Variants in PRDM2 observed in about 807,000 individuals in gnomAD.
The protein encoded by PRDM2 is PR domain zinc finger protein 2.
PRDM2 carries 30 observed loss-of-function variants against 130.0 expected under a neutral mutation model. The ratio of observed to expected loss-of-function variants is 0.23; its 90% confidence interval spans 0.17 to 0.31. The LOEUF (loss-of-function observed/expected upper bound fraction) is 0.31, where lower values mean the gene tolerates loss of function less well. PRDM2 is among the 10% of genes least tolerant of loss of function. PRDM2 has a pLI of 1.00. For missense variants in PRDM2, 2,011 were observed against 2,108.4 expected (o/e 0.95, Z 0.90); for synonymous variants, 871 against 782.4 (o/e 1.11, Z -1.89).
Position 13,823,343 on chromosome 1 carries a change from T to A in PRDM2, c.*208T>A. The A allele has an allele frequency of 1.2e-6, 1 of 849,024 alleles. No individual in the cohort carries two copies. Among genetic ancestry groups the A allele is most frequent in the Non-Finnish European group, 1.9e-6 (1 of 525,726 alleles). 52.6% of individuals were successfully genotyped at this position (849,024 alleles called of 1,614,324 possible). On this transcript the variant is annotated 3_prime_UTR_variant, in exon 10 of 10. Transcript: ENST00000311066. ...CGCGTGAGTGGTCTTCAAACGAGGG[T>A]CCCGATCCCCGGGGCGGCAGGAAGG...
rs116016009 is a variant in PRDM2, at chr1:13,729,746, G to C, written c.10-1254G>C. On this transcript the variant is annotated intron_variant, in intron 2 of 9. Coordinates refer to ENST00000311066, the MANE Select transcript of PRDM2 (RefSeq NM_001393986.1). The stretch of plus-strand genomic sequence containing the variant: ...TAAATCAAGCAGGAACAAAGCATTT[G>C]TGTGTCTGAAATGGAGGCTCAGTTG... Among the ~76,000 whole-genome samples the C allele has an allele frequency of 3.8e-3, 576 of 152,252 alleles. 1 individual carries two copies. The highest frequency in any genetic ancestry group is 0.013 in the African/African-American group (558 of 41,542).
chr1:13,741,765 T>TGTGTGTGTGTGTGTGTGG (rs56920487), intron 4 of PRDM2, among the ~76,000 whole-genome samples: 2 of 129,960 alleles, frequency 1.5e-5, no homozygotes, highest in African/African-American at 5.5e-5. Flanking sequence ...TGTGTGTGTG[T>TGTGTGTGTGTGTGTGTGG]AGGGGTGGGG....
chr1:13,789,311 G>A (rs369522149), intron 8 of PRDM2, among the ~76,000 whole-genome samples: 1 of 152,178 alleles, frequency 6.6e-6, no homozygotes, highest in African/African-American at 2.4e-5. Context: ...TCTTGTCCTC[G>A]TTGTTACAAG....
intron 6 of PRDM2, among the ~76,000 whole-genome samples, chr1:13,753,624 C>G (rs566551217): frequency 6.6e-6 from 1 of 152,204 alleles, no homozygotes; most frequent in South Asian, 2.1e-4. Context: ...ATAACTCAGT[C>G]TAAGGTAGTC....
At chr1:13,805,210 T>C (rs565176566) in intron 8 of PRDM2, among the ~76,000 whole-genome samples, 1 of 152,304 alleles carries the variant, frequency 6.6e-6, no homozygotes, top group South Asian at 2.1e-4. Flanking sequence ...ATGATGTTTT[T>C]TTCCCCCTTG....
At chr1:13,751,269 T>C (rs535215816) in intron 6 of PRDM2, among the ~76,000 whole-genome samples, 7 of 152,314 alleles carry the variant, frequency 4.6e-5, no homozygotes, top group African/African-American at 1.7e-4. Context: ...TTTCTTATTA[T>C]CCTATTATTT....
Position 13,780,456 on chromosome 1 carries a change from G to A in PRDM2, c.2661G>A (p.Met887Ile). ...AVKKRKPTTC[M>I]LQKVLLNEYN... ...AGAAAAGGAAACCAACCACCTGCAT[G>A]CTGCAGAAGGTTCTTCTCAATGAAT... The change falls in exon 8 of 10, where the codon ATG (methionine) becomes ATA (isoleucine). Residue 887 changes from methionine to isoleucine, a missense_variant. Physicochemically the swap from Met to Ile is conservative, Grantham distance 10 (BLOSUM62 1). This residue lies in a region of PRDM2 where 1,288 missense variants were observed against 1,237.7 expected (regional missense o/e 1.04). Transcript: ENST00000311066. 6.2e-7 allele frequency: 1 copy of A among 1,614,184 alleles called. No homozygotes were observed. Among genetic ancestry groups the A allele is most frequent in the African/African-American group, 1.3e-5 (1 of 75,034 alleles).
intron 8 of PRDM2, among the ~76,000 whole-genome samples, chr1:13,802,048 C>T (rs1006429069): frequency 2.7e-4 from 41 of 152,212 alleles, no homozygotes; most frequent in African/African-American, 9.6e-4. Flanking sequence ...TCCTGGCCAC[C>T]TTACAGCCTG....
intron 5 of PRDM2, among the ~76,000 whole-genome samples, chr1:13,748,840 T>G (rs376339549): frequency 6.6e-6 from 1 of 152,146 alleles, no homozygotes; most frequent in South Asian, 2.1e-4. Flanking sequence ...CGGCCTCCCG[T>G]TGGCGGCTCT....
chr1:13,760,854 TAAA>T (rs144432886), intron 6 of PRDM2, among the ~76,000 whole-genome samples: 4 of 143,276 alleles, frequency 2.8e-5, no homozygotes, highest in Non-Finnish European at 6.1e-5. Context: ...GGCACACTTC[TAAA>T]AAAAAAAAAA....
At chr1:13,721,135 C>T (rs1168961883) in intron 2 of PRDM2, among the ~76,000 whole-genome samples, 2 of 152,110 alleles carry the variant, frequency 1.3e-5, no homozygotes, top group Non-Finnish European at 2.9e-5. Context: ...TGCTGTTTGT[C>T]TCATTTTGGT....
At chr1:13,703,382 C>T (rs933264805) in intron 1 of PRDM2, among the ~76,000 whole-genome samples, 1 of 152,198 alleles carries the variant, frequency 6.6e-6, no homozygotes, top group African/African-American at 2.4e-5. Flanking sequence ...ACTTGAACCG[C>T]TGCAGTGAAG....
At chr1:13,725,195 G>T (rs1642871402) in intron 2 of PRDM2, among the ~76,000 whole-genome samples, 1 of 152,134 alleles carries the variant, frequency 6.6e-6, no homozygotes, top group Non-Finnish European at 1.5e-5. Flanking sequence ...GAATAGTGTA[G>T]AGAGTCCTAT....
intron 6 of PRDM2, among the ~76,000 whole-genome samples, chr1:13,768,792 G>C (rs1034062941): frequency 1.3e-5 from 2 of 152,146 alleles, no homozygotes; most frequent in Non-Finnish European, 2.9e-5. Flanking sequence ...TTTATGCGTT[G>C]GGACTTTGGG....
At chr1:13,784,636 G>T (rs780112406) in intron 8 of PRDM2, among the ~76,000 whole-genome samples, 55 of 152,258 alleles carry the variant, frequency 3.6e-4, no homozygotes, top group Middle Eastern at 3.4e-3. Context: ...AAGGACTAAA[G>T]GGCCTTAAAA....
At chr1:13,788,275 G>T (rs1212216982) in intron 8 of PRDM2, among the ~76,000 whole-genome samples, 2 of 152,182 alleles carry the variant, frequency 1.3e-5, no homozygotes, top group Non-Finnish European at 2.9e-5. Context: ...CTATGTAGAG[G>T]GTGGACGTGT....
At chr1:13,782,882 T>A in intron 8 of PRDM2, 51 bp downstream of exon 8, 1 of 1,598,930 alleles carries the variant, frequency 6.3e-7, no homozygotes, top group East Asian at 2.2e-5. Context: ...GACAGTATCC[T>A]TGCCTACGGG....
At chr1:13,714,754 A>G (rs1357194062) in intron 1 of PRDM2, among the ~76,000 whole-genome samples, 1 of 152,226 alleles carries the variant, frequency 6.6e-6, no homozygotes, top group Admixed American at 6.5e-5. Context: ...ATTATGCCTA[A>G]TGGTATGTGT....
intron 8 of PRDM2, chr1:13,783,198 A>G (rs867764605): frequency 7.7e-6 from 4 of 520,942 alleles, no homozygotes; most frequent in Middle Eastern, 3.2e-4. Context: ...ATCATAGAAC[A>G]TTTCTTAGGT....
Sources: allele counts gnomAD v4.1 joint callset (sites outside exome capture counted in the v4.1 genomes callset), GRCh38; gene constraint gnomAD v4.1.1; regional missense constraint gnomAD v4.1.1; transcripts MANE v1.5; gene names NCBI Gene and HGNC (gene_info 2026-07-23, HGNC 2026-07-21).